Variants in CFTR observed in about 807,000 individuals in gnomAD.
CFTR encodes the protein CF transmembrane conductance regulator, also known as cystic fibrosis transmembrane conductance regulator.
A neutral mutation model predicts 171.6 loss-of-function variants in CFTR; 181 were observed. The ratio of observed to expected loss-of-function variants is 1.05; its 90% CI spans 0.93 to 1.19. The LOEUF (loss-of-function observed/expected upper bound fraction) is 1.19, where lower values mean the gene tolerates loss of function less well. Among genes scored for constraint, CFTR ranks in the 50% most tolerant of loss-of-function variants. The pLI is 0.00. For missense variants in CFTR, 1,968 were observed against 1,734.7 expected, an observed-to-expected ratio of 1.13 and a Z score of -2.39; for synonymous variants, 583 against 608.0, an observed-to-expected ratio of 0.96 and a Z score of 0.60.
intron 1 of CFTR, among the ~76,000 whole-genome samples, chr7:117,490,203 A>T (rs1798135475): frequency 6.6e-6 from 1 of 151,986 alleles, no homozygotes; most frequent in South Asian, 2.1e-4. Flanking sequence ...CGTCAGTACA[A>T]TGAGTTATCC....
intron 1 of CFTR, among the ~76,000 whole-genome samples, chr7:117,499,186 C>T (rs34624661): frequency 0.037 from 5,638 of 152,076 alleles, 139 homozygotes; most frequent in African/African-American, 0.045. Flanking sequence ...ATATCCATGA[C>T]CTTCATCTGA....
chr7:117,588,893 A>C (rs916143863), intron 12 of CFTR, among the ~76,000 whole-genome samples: 1 of 152,150 alleles, frequency 6.6e-6, no homozygotes, highest in Non-Finnish European at 1.5e-5. Context: ...AAGGCAATAA[A>C]TCAATAGATA....
intron 1 of CFTR, among the ~76,000 whole-genome samples, chr7:117,483,945 T>TGA (rs1798035472): frequency 6.6e-6 from 1 of 152,168 alleles, no homozygotes; most frequent in Non-Finnish European, 1.5e-5. Context: ...AAAATTATAC[T>TGA]ATGAAAGATT....
chr7:117,566,645 T>C (rs1442666888), intron 11 of CFTR, among the ~76,000 whole-genome samples: 2 of 151,214 alleles, frequency 1.3e-5, no homozygotes, highest in African/African-American at 2.4e-5. Context: ...AGGAATGCCA[T>C]AGCATTTTGT....
chr7:117,614,770 A>G (rs1485170077), intron 21 of CFTR, 57 bp downstream of exon 21: 1 of 1,077,602 alleles, frequency 9.3e-7, no homozygotes. Flanking sequence ...GTAACAAAGT[A>G]TGAGTAATAG....
At chr7:117,613,272 G>C (rs987510970) in intron 20 of CFTR, among the ~76,000 whole-genome samples, 1 of 152,158 alleles carries the variant, frequency 6.6e-6, no homozygotes, top group African/African-American at 2.4e-5. Context: ...GTGTGATTGA[G>C]TCTTGATTTA....
rs1798353585 is a variant in CFTR, at chr7:117,502,834, G to T, written c.54-1419G>T. Among the ~76,000 whole-genome samples the T allele has an allele frequency of 2.0e-5, 3 of 152,090 alleles. No homozygotes were observed. In the South Asian group the frequency reaches 6.2e-4, roughly 32 times the overall value. ...TAAAATGCGGATATTGCAAATTAAT[G>T]GAAAAAATATGACATAGTAAACCAT... is the stretch of plus-strand genomic sequence containing the variant. On this transcript the variant is annotated intron_variant, in intron 1 of 26. Coordinates refer to ENST00000003084, the MANE Select transcript of CFTR (RefSeq NM_000492.4).
At chr7:117,614,812 C>A in intron 21 of CFTR, 99 bp downstream of exon 21, 1 of 773,044 alleles carries the variant, frequency 1.3e-6, no homozygotes, top group Non-Finnish European at 2.3e-6. Context: ...GTATATTGAG[C>A]TTAAGAAATA....
At chr7:117,529,699 T>C (rs1056717159) in intron 3 of CFTR, among the ~76,000 whole-genome samples, 1 of 152,064 alleles carries the variant, frequency 6.6e-6, no homozygotes, top group East Asian at 1.9e-4. Context: ...GAAAGCATGG[T>C]CATCTATTGA....
intron 12 of CFTR, among the ~76,000 whole-genome samples, chr7:117,588,694 T>C (rs1791983643): frequency 6.6e-6 from 1 of 152,144 alleles, no homozygotes; most frequent in African/African-American, 2.4e-5. Flanking sequence ...TTTGTGTGTA[T>C]GTAATCCCCT....
At position 117,603,725 on chromosome 7, in the gene CFTR, A is replaced by T; in HGVS notation, c.2851A>T (p.Lys951Ter). Residue 951 changes from lysine to a stop codon, truncating the protein, a stop_gained, in exon 17 of 27, where the codon AAA becomes TAA. Transcript: ENST00000003084. LOFTEE classifies it high-confidence loss of function. ...LITVSKILHH[K>*]MLHSVLQAPM... ...CACAGTGTCGAAAATTTTACACCAC[A>T]AAATGTTACATTCTGTTCTTCAAGC... The T allele has an allele frequency of 6.2e-7, 1 of 1,614,070 alleles. No homozygotes were observed. Among genetic ancestry groups the T allele is most frequent in the Non-Finnish European group, 8.5e-7 (1 of 1,179,944 alleles).
rs397508147 is a variant in CFTR at position 117,540,269 on chromosome 7, C to T, written c.1039C>T (p.Arg347Cys). Residue 347 changes from arginine to cysteine, a missense_variant, in exon 8 of 27, where the codon CGC becomes TGC. Transcript: ENST00000003084. ...FTTISFCIVL[R>C]MAVTRQFPWA... is the part of the protein sequence containing the mutation. ...CACCATCTCATTCTGCATTGTTCTG[C>T]GCATGGCGGTCACTCGGCAATTTCC... The T allele has an allele frequency of 1.9e-5, 31 of 1,613,808 alleles. No homozygotes were observed. The highest frequency in any genetic ancestry group is 4.0e-5 in the African/African-American group (3 of 74,898).
intron 9 of CFTR, among the ~76,000 whole-genome samples, chr7:117,545,212 C>T (rs1409782616): frequency 6.6e-6 from 1 of 152,212 alleles, no homozygotes; most frequent in Non-Finnish European, 1.5e-5. Context: ...TCTTGTGAGA[C>T]TTCTTCACTA....
chr7:117,534,284 G>T lies in CFTR; in HGVS notation c.498G>T (p.Lys166Asn). Residue 166 changes from lysine to asparagine, a missense_variant, in exon 5 of 27, where the codon AAG becomes AAT. By Grantham distance (94) the Lys-to-Asn change is moderately conservative (BLOSUM62 0). Coordinates refer to ENST00000003084, the MANE Select transcript of CFTR (RefSeq NM_000492.4). The part of the protein sequence containing the change: ...MFSLIYKKTL[K>N]LSSRVLDKIS... ...TTCCATTTTTCTTTTAGACTTTAAA[G>T]CTGTCAAGCCGTGTTCTAGATAAAA... is the stretch of plus-strand genomic sequence containing the variant. The T allele has an allele frequency of 6.4e-7, 1 of 1,562,420 alleles. No homozygotes were observed. Among genetic ancestry groups the T allele is most frequent in the African/African-American group, 1.4e-5 (1 of 73,924 alleles).
At position 117,627,508 on chromosome 7, in the gene CFTR, T is replaced by C; in HGVS notation, c.3469-14T>C. The C allele has an allele frequency of 1.2e-6, 2 of 1,612,610 alleles. No individual in the cohort carries two copies. Among genetic ancestry groups the C allele is most frequent in the East Asian group, 2.2e-5 (1 of 44,776 alleles). On this transcript the variant is annotated splice_polypyrimidine_tract_variant and intron_variant, in intron 21 of 26. Transcript: ENST00000003084. ...CCATTCTTAAAAACAAAAATGTTGT[T>C]ATTTTTATTTCAGATGCGATCTGTG...
intron 15 of CFTR, 102 bp downstream of exon 15, chr7:117,595,160 C>T (rs1792101509): frequency 1.5e-5 from 13 of 860,950 alleles, no homozygotes; most frequent in Non-Finnish European, 2.3e-5. Flanking sequence ...TGTATATATA[C>T]ACATGTATAC....
chr7:117,553,387 A>G (rs1799302525), intron 10 of CFTR, among the ~76,000 whole-genome samples: 2 of 152,186 alleles, frequency 1.3e-5, no homozygotes, highest in South Asian at 4.1e-4. Flanking sequence ...ATAACTTTAT[A>G]TACATATCAT....
intron 1 of CFTR, among the ~76,000 whole-genome samples, chr7:117,500,986 C>T (rs1001131323): frequency 2.0e-4 from 30 of 152,192 alleles, no homozygotes; most frequent in Admixed American, 5.9e-4. Context: ...CTGAACTGGC[C>T]ATTTATGGGA....
chr7:117,512,174 T>TA (rs1257262190), intron 3 of CFTR, among the ~76,000 whole-genome samples: 2 of 151,874 alleles, frequency 1.3e-5, no homozygotes, highest in Non-Finnish European at 2.9e-5. Flanking sequence ...TGTGAAAGGT[T>TA]AAAAAAAAGG....
Sources: gnomAD v4.1 joint callset for allele counts (sites outside exome capture counted in the v4.1 genomes callset) on GRCh38, gnomAD v4.1.1 for gene constraint, MANE v1.5 for transcripts, NCBI Gene and HGNC (gene_info 2026-07-23, HGNC 2026-07-21) for gene names.